RFT1: variants seen among roughly 807,000 people sequenced by gnomAD.
RFT1 encodes the protein man(5)GlcNAc(2)-PP-dolichol translocation protein RFT1.
RFT1 carries 43 observed loss-of-function variants against 62.2 expected under a neutral mutation model. That is an observed-to-expected ratio of 0.69 (90% CI 0.54 to 0.89). The LOEUF (loss-of-function observed/expected upper bound fraction) is 0.89. RFT1 is among the 40% of genes least tolerant of loss of function. The probability of loss-of-function intolerance (pLI) is 0.00; values close to 1 mark genes in which losing one functional copy is unlikely to be tolerated. For missense variants in RFT1, 605 were observed against 649.9 expected (o/e 0.93, Z 0.75); for synonymous variants, 262 against 264.6 (o/e 0.99, Z 0.10).
At chr3:53,115,402 C>T (rs1321095970) in intron 6 of RFT1, among the ~76,000 whole-genome samples, 1 of 152,122 alleles carries the variant, frequency 6.6e-6, no homozygotes, top group East Asian at 1.9e-4. Context: ...TCAATACAGA[C>T]AGTTTGATCA....
chr3:53,096,403 C>T (rs939596849), intron 11 of RFT1, among the ~76,000 whole-genome samples: 7 of 151,924 alleles, frequency 4.6e-5, no homozygotes, highest in African/African-American at 1.2e-4. Flanking sequence ...GCAACCAGGC[C>T]GGGCACGTTG....
At chr3:53,104,200 CT>C in intron 9 of RFT1, 103 bp from the exon 10 acceptor site, 2 of 1,182,426 alleles carry the variant, frequency 1.7e-6, no homozygotes, top group Non-Finnish European at 2.5e-6. Flanking sequence ...ACAGTTCACT[CT>C]TCCAACAGCG....
rs1702098040 is a variant in RFT1 at position 53,125,983 on chromosome 3, C to T, written c.75G>A (p.Arg25=). 1 of 1,613,064 alleles carries T rather than the reference C, an allele frequency of 6.2e-7. No homozygotes were observed. The highest frequency in any genetic ancestry group is 8.5e-7 in the Non-Finnish European group (1 of 1,179,274). The change falls in exon 2 of 13, where the codon CGG becomes CGA. Residue 25 remains arginine (R), a synonymous_variant. Transcript: ENST00000296292. ...SSGLLLQVLF[R]LITFVLNAFI... ...ATGCATTCAAGACAAAGGTGATCAA[C>T]CGAAACAACACCTATAGAAAAAGAG...
intron 9 of RFT1, among the ~76,000 whole-genome samples, chr3:53,105,428 A>C (rs900568302): frequency 4.0e-4 from 50 of 126,138 alleles, no homozygotes; most frequent in African/African-American, 9.1e-4. Context: ...CCCCCCCCCA[A>C]AAAGAGTAAG....
rs561251301 is a variant in RFT1, at chr3:53,124,751, C to T, written c.150-911G>A. On this transcript the variant is annotated intron_variant, in intron 2 of 12. Transcript: ENST00000296292. ...CTTTGGGAGACTAAGATGGGAGGATCACTTGAGCCCAGGAGTTCGAGACCA... is the reference window on the plus strand; with the variant it reads ...CTTTGGGAGACTAAGATGGGAGGATTACTTGAGCCCAGGAGTTCGAGACCA... Among the ~76,000 whole-genome samples the T allele has an allele frequency of 3.3e-5, 5 of 152,218 alleles. No homozygotes were observed. The South Asian group carries it at 6.2e-4, about 19-fold the overall frequency.
the RFT1 span, among the ~76,000 whole-genome samples, chr3:53,070,393 G>GGT: frequency 0.049 from 4,221 of 85,504 alleles, 688 homozygotes; most frequent in East Asian, 0.068. Flanking sequence ...CTGTATTATG[G>GGT]TTTTTTTTTT....
the RFT1 span, among the ~76,000 whole-genome samples, chr3:53,066,882 C>T: frequency 2.0e-5 from 3 of 152,340 alleles, no homozygotes; most frequent in Non-Finnish European, 4.4e-5. Context: ...CATCTTTATT[C>T]ATAGTAGCCA....
intron 7 of RFT1, among the ~76,000 whole-genome samples, chr3:53,110,336 T>C (rs1447375080): frequency 6.6e-6 from 1 of 152,166 alleles, no homozygotes; most frequent in Non-Finnish European, 1.5e-5. Context: ...CATTCACAAA[T>C]ACATGCTGAA....
intron 10 of RFT1, chr3:53,102,987 A>T (rs1372759009): frequency 6.7e-6 from 3 of 445,762 alleles, no homozygotes; most frequent in African/African-American, 6.4e-5. Flanking sequence ...CTTCCTCATG[A>T]GGCCTCCCCA....
In RFT1 at chr3:53,119,994, A is replaced by G; in HGVS notation, c.586T>C (p.Cys196Arg). 6.2e-7 allele frequency: 1 copy of G among 1,607,924 alleles called. No homozygotes were observed. The highest frequency in any genetic ancestry group is 1.1e-5 in the South Asian group (1 of 89,568). The change falls in exon 6 of 13, where the codon TGC becomes CGC. Residue 196 changes from cysteine to arginine, a missense_variant. By Grantham distance (180) the Cys-to-Arg change is radical. Coordinates refer to ENST00000296292, the MANE Select transcript of RFT1 (RefSeq NM_052859.4). ...QLFYTTVLVL[C>R]YVIYFTKLLG... is the part of the protein sequence containing the mutation. ...AACTTTGTGAAATAAATAACATAGC[A>G]GAGCACCAGAACTGTGGTATAGAAA...
rs968167427 is a variant in RFT1, at chr3:53,089,379, T to C, written c.*2524A>G. 6.6e-6 allele frequency: 1 copy of C among 152,246 alleles called. No individual in the cohort carries two copies. The highest frequency in any genetic ancestry group is 1.5e-5 in the Non-Finnish European group (1 of 68,060). The allele number at this position is 152,246 out of a possible 1,614,324, so 9.4% of individuals were successfully genotyped here. On this transcript the variant is annotated 3_prime_UTR_variant, in exon 13 of 13. Coordinates refer to ENST00000296292, the MANE Select transcript of RFT1 (RefSeq NM_052859.4). ...TGTTCTTCTCACCAACGAATGCTCC[T>C]TCCTTTCATAAAGGTTGTGCCTCAG...
At chr3:53,078,962 AAGCTACCTGCT>A in the RFT1 span, among the ~76,000 whole-genome samples, 1 of 152,212 alleles carries the variant, frequency 6.6e-6, no homozygotes, top group South Asian at 2.1e-4. Flanking sequence ...AGAAAAGGCA[AAGCTACCTGCT>A]AGATCTCACA....
At chr3:53,099,015 T>G (rs1275501866) in intron 11 of RFT1, among the ~76,000 whole-genome samples, 1 of 152,060 alleles carries the variant, frequency 6.6e-6, no homozygotes, top group Non-Finnish European at 1.5e-5. Context: ...TTGAAGAAGC[T>G]CCTCAGTAAC....
chr3:53,107,149 T>TC (rs927405855), intron 7 of RFT1, among the ~76,000 whole-genome samples: 18 of 151,782 alleles, frequency 1.2e-4, no homozygotes, highest in Middle Eastern at 3.4e-3. Flanking sequence ...TTTTTTTTTT[T>TC]TTTTGAGACG....
rs1027848646 is a variant in RFT1, at chr3:53,090,486, C to T, written c.*1417G>A. On this transcript the variant is annotated 3_prime_UTR_variant, in exon 13 of 13. Coordinates refer to ENST00000296292, the MANE Select transcript of RFT1 (RefSeq NM_052859.4). ...TTAGCTGCTTTTCTCCCACTTAGTG[C>T]AAAGCATTCTCCCTCTGAGTAGATA... 6 of 152,250 alleles carry T rather than the reference C, an allele frequency of 3.9e-5. No homozygotes were observed. The highest frequency in any genetic ancestry group is 7.3e-5 in the Non-Finnish European group (5 of 68,052). The allele number at this position is 152,250 out of a possible 1,614,324, so 9.4% of individuals were successfully genotyped here.
rs1397916284 is a variant in RFT1 at position 53,128,450 on chromosome 3, C to T, written c.63+1888G>A. On this transcript the variant is annotated intron_variant, in intron 1 of 12. Transcript: ENST00000296292. ...TGAAACTGAGGTTGCTTACGCCACC[C>T]AGTATTTGCCACACACTGCAGTCCT... 2.0e-5 allele frequency among the ~76,000 whole-genome samples: 3 copies of T among 152,196 alleles called. No homozygotes were observed. In the South Asian group the frequency reaches 6.2e-4, roughly 32 times the overall value.
the RFT1 span, among the ~76,000 whole-genome samples, chr3:53,072,903 C>A: frequency 1.3e-5 from 2 of 152,264 alleles, no homozygotes; most frequent in Non-Finnish European, 2.9e-5. Context: ...TCAGAGGAGC[C>A]CACCGCCCTC....
Position 53,092,414 on chromosome 3 carries a change from C to T in RFT1, c.1413G>A (p.Leu471=). The change falls in exon 12 of 13, where the codon CTG becomes CTA. Residue 471 remains leucine (L), a synonymous_variant. Transcript: ENST00000296292. ...PLAGLHLSPV[L]LGTFALSGGV... ...CACCACTGAGGGCAAATGTCCCGAG[C>T]AGGACTGGCGATAGGTGCAGGCCAG... 1 of 1,608,174 alleles carries T rather than the reference C, an allele frequency of 6.2e-7. No individual in the cohort carries two copies. The highest frequency in any genetic ancestry group is 8.5e-7 in the Non-Finnish European group (1 of 1,177,708).
At chr3:53,115,321 T>G (rs909461640) in intron 6 of RFT1, among the ~76,000 whole-genome samples, 10 of 152,158 alleles carry the variant, frequency 6.6e-5, no homozygotes, top group African/African-American at 2.4e-4. Context: ...AAGTCCTGTC[T>G]CATGGAGCCA....
Sources: gnomAD v4.1 joint callset for allele counts (sites outside exome capture counted in the v4.1 genomes callset) on GRCh38, gnomAD v4.1.1 for gene constraint, MANE v1.5 for transcripts, NCBI Gene and HGNC (gene_info 2026-07-23, HGNC 2026-07-21) for gene names.